The following SLC44A5 variants were observed in gnomAD, a reference collection of about 807,000 sequenced individuals.
The protein encoded by SLC44A5 is choline transporter-like protein 5.
In SLC44A5, 57 loss-of-function variants were observed where a neutral mutation model predicts 101.8. The ratio of observed to expected loss-of-function variants is 0.56; its 90% CI spans 0.45 to 0.70. The LOEUF is 0.70. Ranked by LOEUF, SLC44A5 falls within the 30% of genes least tolerant of loss-of-function variation. The probability of loss-of-function intolerance (pLI) is 0.00; values close to 1 mark genes in which losing one functional copy is unlikely to be tolerated. For synonymous variants in SLC44A5, 281 were observed against 290.9 expected (o/e 0.97, Z 0.35); for missense variants, 737 against 853.1 (o/e 0.86, Z 1.70).
At position 75,606,379 on chromosome 1, in the gene SLC44A5, T is replaced by A. The variant is rs563215751; in HGVS notation, c.-70+4661A>T. ...CCATTCTACATTAATTCATCTTACCTCCATAGGAAACTGTCATAAAAAGCA... is the reference window on the plus strand; with the variant it reads ...CCATTCTACATTAATTCATCTTACCACCATAGGAAACTGTCATAAAAAGCA... On this transcript the variant is annotated intron_variant, in intron 1 of 23. Transcript: ENST00000370859. Among the ~76,000 whole-genome samples the A allele has an allele frequency of 4.6e-5, 7 of 152,026 alleles. No individual in the cohort carries two copies. In the South Asian group the frequency reaches 1.5e-3, roughly 32 times the overall value.
intron 13 of SLC44A5, among the ~76,000 whole-genome samples, chr1:75,225,429 T>A (rs1647176415): frequency 6.6e-6 from 1 of 152,148 alleles, no homozygotes; most frequent in South Asian, 2.1e-4. Flanking sequence ...CTATCCTATA[T>A]CCCCTCTTTT....
At chr1:75,219,983 G>A (rs973203980) in intron 14 of SLC44A5, 91 bp from the exon 15 acceptor site, 5 of 694,306 alleles carry the variant, frequency 7.2e-6, no homozygotes, top group South Asian at 5.0e-5. Context: ...TAATAACCAC[G>A]GACTCTTTTT....
chr1:75,291,510 T>C (rs1653539380), intron 5 of SLC44A5, among the ~76,000 whole-genome samples: 1 of 152,138 alleles, frequency 6.6e-6, no homozygotes, highest in South Asian at 2.1e-4. Context: ...AAAGGAATCA[T>C]GAATAACATG....
intron 5 of SLC44A5, among the ~76,000 whole-genome samples, chr1:75,292,149 TG>T (rs1354299951): frequency 6.6e-6 from 1 of 152,102 alleles, no homozygotes. Context: ...GTGAATTCCC[TG>T]GTAAAGGTTC....
intron 1 of SLC44A5, chr1:75,582,280 C>T (rs1673740995): frequency 1.3e-6 from 2 of 1,532,706 alleles, no homozygotes; most frequent in Middle Eastern, 2.0e-4. Flanking sequence ...CCAACAATGC[C>T]AAGGCCATGA....
chr1:75,266,896 C>T (rs1651037539), intron 6 of SLC44A5, among the ~76,000 whole-genome samples: 1 of 152,284 alleles, frequency 6.6e-6, no homozygotes, highest in South Asian at 2.1e-4. Flanking sequence ...GTATCTAAGA[C>T]AGTAAATCAA....
chr1:75,467,730 T>C (rs1666900091), intron 2 of SLC44A5, among the ~76,000 whole-genome samples: 1 of 152,142 alleles, frequency 6.6e-6, no homozygotes, highest in South Asian at 2.1e-4. Flanking sequence ...ATGAAATTAC[T>C]AAAAGAAAAC....
intron 3 of SLC44A5, among the ~76,000 whole-genome samples, chr1:75,350,600 A>G (rs1159829350): frequency 6.6e-6 from 1 of 151,522 alleles, no homozygotes; most frequent in African/African-American, 2.4e-5. Flanking sequence ...AAGGATAGAA[A>G]AAGGTTGAAA....
chr1:75,328,199 C>T (rs1470136142), intron 4 of SLC44A5, among the ~76,000 whole-genome samples: 1 of 152,192 alleles, frequency 6.6e-6, no homozygotes, highest in African/African-American at 2.4e-5. Flanking sequence ...TTCCCACTCT[C>T]TTGCCAAAAG....
the SLC44A5 span, among the ~76,000 whole-genome samples, chr1:75,659,444 G>GGAGGGAAA: frequency 1.0e-4 from 1 of 9,560 alleles, no homozygotes; most frequent in Non-Finnish European, 3.1e-4. Context: ...AGGGAGGGAG[G>GGAGGGAAA]GAAGGAAGGA....
At chr1:75,274,571 A>T (rs562837090) in intron 6 of SLC44A5, among the ~76,000 whole-genome samples, 4 of 152,288 alleles carry the variant, frequency 2.6e-5, no homozygotes, top group African/African-American at 9.6e-5. Flanking sequence ...ATCAGTAGAC[A>T]CTGTGACAAA....
rs150882035 is a variant in SLC44A5 at position 75,370,456 on chromosome 1, G to A, written c.52+26127C>T. The stretch of plus-strand genomic sequence containing the variant: ...AACCACAGTTTCTTATTGCAAAGAC[G>A]CCCAGTAGTGTGTGTATACAAATAC... On this transcript the variant is annotated intron_variant, in intron 3 of 23. Transcript: ENST00000370859. 4.7e-4 allele frequency among the ~76,000 whole-genome samples: 72 copies of A among 152,210 alleles called. No homozygotes were observed. In the East Asian group the frequency reaches 0.012, roughly 26 times the overall value.
At chr1:75,321,580 C>T (rs1317311104) in intron 4 of SLC44A5, among the ~76,000 whole-genome samples, 1 of 152,182 alleles carries the variant, frequency 6.6e-6, no homozygotes, top group Non-Finnish European at 1.5e-5. Flanking sequence ...CCTCCAAGCA[C>T]CATCACACTG....
chr1:75,563,342 AT>A (rs904875562), intron 1 of SLC44A5, among the ~76,000 whole-genome samples: 9 of 65,934 alleles, frequency 1.4e-4, no homozygotes, highest in East Asian at 3.6e-3. Flanking sequence ...AAGGGTAGAT[AT>A]TTTTTTTTCA....
chr1:75,323,221 T>C lies in SLC44A5; in HGVS notation c.101+16361A>G, dbSNP rs572622076. Among the ~76,000 whole-genome samples, 44 of 151,300 alleles carry C rather than the reference T, an allele frequency of 2.9e-4. No homozygotes were observed. The East Asian group carries it at 3.3e-3, about 11-fold the overall frequency. ...GTTTTTTGTTCTTGCGATAGTTTAC[T>C]GAGAATGATGATTTCCAATTTCATC... On this transcript the variant is annotated intron_variant, in intron 4 of 23. Transcript: ENST00000370859.
At chr1:75,672,955 A>G in the SLC44A5 span, among the ~76,000 whole-genome samples, 1 of 152,176 alleles carries the variant, frequency 6.6e-6, no homozygotes, top group African/African-American at 2.4e-5. Flanking sequence ...GCAGTAGCCC[A>G]GTAGTACTCA....
intron 13 of SLC44A5, 90 bp downstream of exon 13, chr1:75,227,636 A>G (rs1477602459): frequency 3.0e-6 from 3 of 990,082 alleles, no homozygotes; most frequent in Non-Finnish European, 4.3e-6. Context: ...AATACATTTA[A>G]CAGGTTATAC....
chr1:75,212,961 C>T (rs1345496520), intron 22 of SLC44A5, among the ~76,000 whole-genome samples: 1 of 152,168 alleles, frequency 6.6e-6, no homozygotes, highest in Non-Finnish European at 1.5e-5. Flanking sequence ...GCCCTTCCTG[C>T]AGGGAATTGC....
At position 75,251,291 on chromosome 1, in the gene SLC44A5, G is replaced by C. The variant is rs1241063318; in HGVS notation, c.264C>G (p.Asn88Lys). 1 of 1,610,864 alleles carries C rather than the reference G, an allele frequency of 6.2e-7. No homozygotes were observed. The highest frequency in any genetic ancestry group is 8.5e-7 in the Non-Finnish European group (1 of 1,177,808). The stretch of plus-strand genomic sequence containing the variant: ...GGTTAAAGTAAAACAAAATGGTCTT[G>C]TTCCTGTTAAGAAAGAAAACATAAT... ...FCGQKGTPNE[N>K]KTILFYFNLL... The change falls in exon 7 of 24, where the codon AAC (asparagine) becomes AAG (lysine). Residue 88 changes from asparagine (N) to lysine (K), a missense_variant. Transcript: ENST00000370859.
Sources: allele counts gnomAD v4.1 joint callset (sites outside exome capture counted in the v4.1 genomes callset), GRCh38; gene constraint gnomAD v4.1.1; transcripts MANE v1.5; gene names NCBI Gene and HGNC (gene_info 2026-07-23, HGNC 2026-07-21).